SLC16A10: variants seen among roughly 807,000 people sequenced by gnomAD.
The protein encoded by SLC16A10 is solute carrier family 16 member 10.
Under a neutral mutation model 40.0 loss-of-function variants are expected in SLC16A10, and 27 were observed. The observed-to-expected ratio is 0.67, with a 90% CI of 0.50 to 0.93. SLC16A10 has a LOEUF of 0.93. SLC16A10 is among the 40% of genes least tolerant of loss of function. SLC16A10 has a pLI of 0.00. For synonymous variants in SLC16A10, 213 were observed against 249.8 expected (o/e 0.85, Z 1.39); for missense variants, 529 against 658.2 (o/e 0.80, Z 2.15).
intron 1 of SLC16A10, among the ~76,000 whole-genome samples, chr6:111,125,801 A>C (rs1771664941): frequency 2.0e-5 from 3 of 152,200 alleles, no homozygotes. Flanking sequence ...CTTGGCCAAC[A>C]GGTAGGATGG....
At chr6:111,192,131 A>G (rs147113235) in intron 3 of SLC16A10, among the ~76,000 whole-genome samples, 3,671 of 152,210 alleles carry the variant, frequency 0.024, 140 homozygotes, top group African/African-American at 0.082. Context: ...GTTTTCTTCT[A>G]AGGTTTTTAT....
intron 3 of SLC16A10, among the ~76,000 whole-genome samples, chr6:111,196,113 G>C (rs1773075919): frequency 6.6e-6 from 1 of 152,114 alleles, no homozygotes; most frequent in Admixed American, 6.5e-5. Context: ...GAGGCAGGCA[G>C]ATCACCTGAG....
chr6:111,161,568 G>A (rs1772372933), intron 1 of SLC16A10, among the ~76,000 whole-genome samples: 1 of 152,048 alleles, frequency 6.6e-6, no homozygotes, highest in Non-Finnish European at 1.5e-5. Flanking sequence ...TGGGAAAATG[G>A]CAGTCAGATC....
At chr6:111,091,936 T>C (rs77897013) in intron 1 of SLC16A10, among the ~76,000 whole-genome samples, 5 of 152,180 alleles carry the variant, frequency 3.3e-5, no homozygotes, top group Admixed American at 2.6e-4. Context: ...TAGCTTAGGA[T>C]CTGTTGTGGG....
chr6:111,167,337 G>A (rs968247120), intron 1 of SLC16A10, among the ~76,000 whole-genome samples: 1 of 152,194 alleles, frequency 6.6e-6, no homozygotes, highest in Non-Finnish European at 1.5e-5. Context: ...GGTAGGGGAG[G>A]AAATGAGCAA....
chr6:111,139,589 C>T (rs1417922995), intron 1 of SLC16A10, among the ~76,000 whole-genome samples: 4 of 152,178 alleles, frequency 2.6e-5, no homozygotes, highest in African/African-American at 9.7e-5. Context: ...CATGAGCCAC[C>T]ACGCCCAGCC....
chr6:111,154,052 A>T (rs989891553), intron 1 of SLC16A10, among the ~76,000 whole-genome samples: 1 of 152,256 alleles, frequency 6.6e-6, no homozygotes, highest in African/African-American at 2.4e-5. Flanking sequence ...ATTTAAAATT[A>T]TAGAGTCTTA....
At chr6:111,219,768 G>C (rs1270417659) in intron 5 of SLC16A10, among the ~76,000 whole-genome samples, 3 of 152,220 alleles carry the variant, frequency 2.0e-5, no homozygotes, top group African/African-American at 7.2e-5. Context: ...ATTATGCTAA[G>C]TGAAAGAAGC....
chr6:111,151,921 C>T (rs770314066), intron 1 of SLC16A10, among the ~76,000 whole-genome samples: 5 of 152,086 alleles, frequency 3.3e-5, no homozygotes, highest in Non-Finnish European at 7.4e-5. Flanking sequence ...CCTAAGTTGT[C>T]CCACAACACA....
Position 111,087,747 on chromosome 6 carries a change from C to T in SLC16A10, c.-6C>T, listed in dbSNP as rs1770892691. On this transcript the variant is annotated 5_prime_UTR_variant, in exon 1 of 6. Transcript: ENST00000368851. The stretch of plus-strand genomic sequence containing the variant: ...TCTCCGGCGCCTGAGGGGCCCGCCT[C>T]GGGCCATGGTGCTCTCCCAGGAGGA... 3.3e-6 allele frequency: 4 copies of T among 1,201,350 alleles called. No homozygotes were observed. Among genetic ancestry groups the T allele is most frequent in the South Asian group, 8.4e-5 (2 of 23,764 alleles). 74.4% of individuals were successfully genotyped at this position (1,201,350 alleles called of 1,614,324 possible). A position where few individuals can be genotyped will look rare whatever the true frequency, so the allele number is the denominator to read the frequency against.
intron 1 of SLC16A10, among the ~76,000 whole-genome samples, chr6:111,158,389 A>G (rs78643086): frequency 6.6e-6 from 1 of 152,104 alleles, no homozygotes; most frequent in African/African-American, 2.4e-5. Context: ...TTTTTTGACA[A>G]ATTGGAGGGG....
intron 1 of SLC16A10, among the ~76,000 whole-genome samples, chr6:111,142,054 A>G (rs1258418660): frequency 6.6e-6 from 1 of 152,222 alleles, no homozygotes; most frequent in Non-Finnish European, 1.5e-5. Flanking sequence ...TTTCTTCAAT[A>G]TCAAATCAAC....
intron 1 of SLC16A10, among the ~76,000 whole-genome samples, chr6:111,166,732 T>A (rs1293073029): frequency 6.6e-6 from 1 of 152,256 alleles, no homozygotes; most frequent in Non-Finnish European, 1.5e-5. Flanking sequence ...TGCAGGAGAA[T>A]CTTCTTAAAT....
intron 1 of SLC16A10, among the ~76,000 whole-genome samples, chr6:111,127,660 G>A (rs1251358504): frequency 6.6e-6 from 1 of 152,174 alleles, no homozygotes; most frequent in Non-Finnish European, 1.5e-5. Context: ...TCTTGCTGGT[G>A]TACTCCTAAT....
intron 1 of SLC16A10, among the ~76,000 whole-genome samples, chr6:111,143,976 A>G (rs1004139628): frequency 6.6e-6 from 1 of 152,088 alleles, no homozygotes; most frequent in African/African-American, 2.4e-5. Flanking sequence ...TAAGGAAACC[A>G]TGGACTTTGG....
Position 111,087,934 on chromosome 6 carries a change from C to G in SLC16A10, c.182C>G (p.Pro61Arg), listed in dbSNP as rs1168076989. The change falls in exon 1 of 6, where the codon CCC becomes CGC. Residue 61 changes from proline to arginine, a missense_variant. Pro to Arg is a moderately radical substitution (Grantham distance 103). Coordinates refer to ENST00000368851, the MANE Select transcript of SLC16A10 (RefSeq NM_018593.5). ...AGPATAEPHEPPEPPEGGWGW... is the reference protein window; with the variant it reads ...AGPATAEPHERPEPPEGGWGW... ...CCGGCGACCGCGGAGCCCCATGAGC[C>G]CCCCGAACCCCCCGAGGGCGGCTGG... The G allele has an allele frequency of 6.2e-7, 1 of 1,605,314 alleles. No homozygotes were observed. Among genetic ancestry groups the G allele is most frequent in the Non-Finnish European group, 8.5e-7 (1 of 1,176,930 alleles).
intron 1 of SLC16A10, among the ~76,000 whole-genome samples, chr6:111,154,052 A>G (rs989891553): frequency 6.6e-6 from 1 of 152,256 alleles, no homozygotes; most frequent in African/African-American, 2.4e-5. Flanking sequence ...ATTTAAAATT[A>G]TAGAGTCTTA....
chr6:111,219,828 C>G (rs907233231), intron 5 of SLC16A10, among the ~76,000 whole-genome samples: 11 of 152,024 alleles, frequency 7.2e-5, no homozygotes, highest in Non-Finnish European at 1.5e-4. Context: ...ACCTGTAATC[C>G]CAGCACTTTG....
chr6:111,152,705 T>TG (rs1029512736), intron 1 of SLC16A10, among the ~76,000 whole-genome samples: 3 of 152,304 alleles, frequency 2.0e-5, no homozygotes, highest in African/African-American at 7.2e-5. Context: ...AACATGCTGT[T>TG]GGAGTAAGAG....
Sources: allele counts gnomAD v4.1 joint callset (sites outside exome capture counted in the v4.1 genomes callset), GRCh38; gene constraint gnomAD v4.1.1; transcripts MANE v1.5; gene names NCBI Gene and HGNC (gene_info 2026-07-23, HGNC 2026-07-21).